The following ARMH3 variants were observed in gnomAD, a reference collection of about 807,000 sequenced individuals.
ARMH3 encodes armadillo-like helical domain-containing protein 3.
Under a neutral mutation model 99.1 loss-of-function variants are expected in ARMH3, and 60 were observed. The ratio of observed to expected loss-of-function variants is 0.61; its 90% CI spans 0.49 to 0.75. The LOEUF (loss-of-function observed/expected upper bound fraction) is 0.75, where lower values mean the gene tolerates loss of function less well. Among genes scored for constraint, ARMH3 ranks in the 30% least tolerant of loss-of-function variants. The pLI is 0.00. For synonymous variants in ARMH3, 285 were observed against 292.8 expected, an observed-to-expected ratio of 0.97 and a Z score of 0.27; for missense variants, 679 against 843.1, an observed-to-expected ratio of 0.81 and a Z score of 2.41.
At chr10:102,042,930 G>A (rs2067458239) in intron 1 of ARMH3, among the ~76,000 whole-genome samples, 1 of 152,136 alleles carries the variant, frequency 6.6e-6, no homozygotes. Context: ...AAATTAGCCA[G>A]GCATGATGGC....
At chr10:102,026,298 A>T (rs1348901799) in intron 5 of ARMH3, among the ~76,000 whole-genome samples, 1 of 152,222 alleles carries the variant, frequency 6.6e-6, no homozygotes, top group Non-Finnish European at 1.5e-5. Context: ...ATATGTGAGC[A>T]TCTACTCTGT....
At chr10:101,911,020 AT>A (rs1842846134) in intron 23 of ARMH3, among the ~76,000 whole-genome samples, 1 of 151,926 alleles carries the variant, frequency 6.6e-6, no homozygotes, top group Non-Finnish European at 1.5e-5. Context: ...GGCGCCTGTA[AT>A]CCCAACTATT....
At chr10:102,049,498 C>T (rs531195643) in intron 1 of ARMH3, among the ~76,000 whole-genome samples, 40 of 151,420 alleles carry the variant, frequency 2.6e-4, no homozygotes, top group East Asian at 7.8e-4. Context: ...GCCAAGATCG[C>T]GCCACTGCAC....
At chr10:101,879,762 C>A (rs1248548511) in intron 24 of ARMH3, among the ~76,000 whole-genome samples, 1 of 152,204 alleles carries the variant, frequency 6.6e-6, no homozygotes, top group Non-Finnish European at 1.5e-5. Flanking sequence ...GAAACACTTT[C>A]TCTCCTATCT....
At chr10:102,007,337 A>T (rs984519610) in intron 13 of ARMH3, among the ~76,000 whole-genome samples, 13 of 99,756 alleles carry the variant, frequency 1.3e-4, no homozygotes, top group East Asian at 6.1e-4. Flanking sequence ...ACAGACATTT[A>T]AAAAAAAAAA....
Position 101,993,531 on chromosome 10 carries a change from C to T in ARMH3, c.1275+7G>A. On this transcript the variant is annotated splice_region_variant and intron_variant, in intron 17 of 25. Transcript: ENST00000370033. ...AAGAAAAAACAAGAAGCAAAAGAAACACCTACCATTCTATGTAAGTTTACT... is the reference window on the plus strand; with the variant it reads ...AAGAAAAAACAAGAAGCAAAAGAAATACCTACCATTCTATGTAAGTTTACT... 2 of 1,583,484 alleles carry T rather than the reference C, an allele frequency of 1.3e-6. No individual in the cohort carries two copies. The highest frequency in any genetic ancestry group is 1.7e-6 in the Non-Finnish European group (2 of 1,166,068).
chr10:102,002,968 T>TAAA (rs1245714772), intron 14 of ARMH3, among the ~76,000 whole-genome samples: 4 of 144,504 alleles, frequency 2.8e-5, no homozygotes, highest in African/African-American at 1.1e-4. Context: ...CACAAATAAA[T>TAAA]AAATAAATAA....
intron 23 of ARMH3, among the ~76,000 whole-genome samples, chr10:101,910,982 A>G (rs563660560): frequency 1.3e-5 from 2 of 152,196 alleles, no homozygotes; most frequent in South Asian, 4.1e-4. Flanking sequence ...TCTACTAAAA[A>G]TACAAAAATT....
At chr10:101,885,731 T>C (rs933462455) in intron 24 of ARMH3, among the ~76,000 whole-genome samples, 6 of 152,180 alleles carry the variant, frequency 3.9e-5, no homozygotes, top group Non-Finnish European at 7.3e-5. Flanking sequence ...TGTGAATGTA[T>C]TTAATGCCAC....
At chr10:101,882,253 G>C (rs1479765887) in intron 24 of ARMH3, among the ~76,000 whole-genome samples, 1 of 152,206 alleles carries the variant, frequency 6.6e-6, no homozygotes, top group African/African-American at 2.4e-5. Flanking sequence ...GGTGTTCAAA[G>C]AAGGTTTTGC....
intron 20 of ARMH3, among the ~76,000 whole-genome samples, chr10:101,968,738 A>G (rs979352155): frequency 1.3e-5 from 2 of 152,236 alleles, no homozygotes; most frequent in Non-Finnish European, 2.9e-5. Flanking sequence ...AGGGGATGAG[A>G]GAAAGATTCA....
chr10:101,850,090 C>CTCTTTTTTT (rs752507279), intron 24 of ARMH3, among the ~76,000 whole-genome samples, 198 bp from the exon 25 acceptor site: 1 of 91,310 alleles, frequency 1.1e-5, no homozygotes, highest in Non-Finnish European at 2.0e-5. Context: ...CTCTCTCTCT[C>CTCTTTTTTT]TTTTTTTTTT....
chr10:101,856,994 T>C (rs984972892), intron 24 of ARMH3, among the ~76,000 whole-genome samples: 1 of 152,290 alleles, frequency 6.6e-6, no homozygotes, highest in East Asian at 1.9e-4. Flanking sequence ...ACATCTATCC[T>C]GGTGCCCACA....
At chr10:101,972,091 C>A (rs1325658123) in intron 20 of ARMH3, among the ~76,000 whole-genome samples, 1 of 152,102 alleles carries the variant, frequency 6.6e-6, no homozygotes, top group Non-Finnish European at 1.5e-5. Context: ...GATCAGGGCT[C>A]GTATCTGTAA....
intron 22 of ARMH3, among the ~76,000 whole-genome samples, chr10:101,955,922 C>G (rs751281426): frequency 6.6e-6 from 1 of 152,154 alleles, no homozygotes; most frequent in African/African-American, 2.4e-5. Flanking sequence ...AATTATACTT[C>G]AATAAAGCTA....
chr10:101,936,578 A>G (rs1022576166), intron 23 of ARMH3, among the ~76,000 whole-genome samples: 2 of 138,652 alleles, frequency 1.4e-5, no homozygotes, highest in African/African-American at 5.1e-5. Context: ...TGCTAAACCT[A>G]AAAAAAAAAA....
chr10:101,930,830 A>T (rs1590040742), intron 23 of ARMH3, among the ~76,000 whole-genome samples: 1 of 152,238 alleles, frequency 6.6e-6, no homozygotes, highest in East Asian at 1.9e-4. Flanking sequence ...ACAAATTTTT[A>T]AAAATAATAA....
At position 101,860,241 on chromosome 10, in the gene ARMH3, T is replaced by TATATAG. The variant is rs150682758; in HGVS notation, c.1861-10355_1861-10350dup. ...GAGAATGAAGTAGGTGGAGATGATATATATAGATATAGATATAGATATATA... is the reference window on the plus strand; with the variant it reads ...GAGAATGAAGTAGGTGGAGATGATATATATAGATATAGATATAGATATAGATATATA... On this transcript the variant is annotated intron_variant, in intron 24 of 25. Coordinates refer to ENST00000370033, the MANE Select transcript of ARMH3 (RefSeq NM_024541.3). Among the ~76,000 whole-genome samples the TATATAG allele has an allele frequency of 2.5e-3, 379 of 152,262 alleles. 2 individuals carry two copies. The highest frequency in any genetic ancestry group is 7.2e-3 in the African/African-American group (300 of 41,560).
chr10:101,984,386 TGA>T (rs1193571356), intron 19 of ARMH3, among the ~76,000 whole-genome samples: 7 of 152,278 alleles, frequency 4.6e-5, no homozygotes, highest in Admixed American at 3.3e-4. Context: ...CCCATGAACT[TGA>T]GAGTCATGAG....
Sources: allele counts gnomAD v4.1 joint callset (sites outside exome capture counted in the v4.1 genomes callset), GRCh38; gene constraint gnomAD v4.1.1; transcripts MANE v1.5; gene names NCBI Gene and HGNC (gene_info 2026-07-23, HGNC 2026-07-21).